Variants in CNBD1 observed in about 807,000 individuals in gnomAD.
The protein encoded by CNBD1 is cyclic nucleotide binding domain containing 1, also known as cyclic nucleotide-binding domain-containing protein 1.
A neutral mutation model predicts 54.4 loss-of-function variants in CNBD1; 71 were observed. That is an observed-to-expected ratio of 1.30 (90% CI 1.08 to 1.59). The LOEUF is 1.59. CNBD1 is among the 40% of genes most tolerant of loss of function. CNBD1 has a pLI of 0.00. For missense variants in CNBD1, 659 were observed against 518.0 expected, an observed-to-expected ratio of 1.27 and a Z score of -2.64; for synonymous variants, 182 against 170.7, an observed-to-expected ratio of 1.07 and a Z score of -0.51.
chr8:87,242,065 G>A (rs1327358131), intron 6 of CNBD1, among the ~76,000 whole-genome samples: 1 of 152,116 alleles, frequency 6.6e-6, no homozygotes, highest in African/African-American at 2.4e-5. Context: ...CTTGCTTTTG[G>A]TATTCAGGCA....
At chr8:86,958,578 G>A (rs59978274) in intron 4 of CNBD1, among the ~76,000 whole-genome samples, 2 of 152,126 alleles carry the variant, frequency 1.3e-5, no homozygotes, top group East Asian at 3.9e-4. Flanking sequence ...TTTACCATTA[G>A]GTAACGGCCT....
intron 5 of CNBD1, among the ~76,000 whole-genome samples, chr8:87,228,145 A>T (rs964761259): frequency 6.7e-6 from 1 of 150,248 alleles, no homozygotes; most frequent in Non-Finnish European, 1.5e-5. Context: ...CATTCTTCTA[A>T]ATTTTTTTCA....
intron 10 of CNBD1, among the ~76,000 whole-genome samples, chr8:87,376,791 C>A (rs1045787990): frequency 6.6e-6 from 1 of 151,816 alleles, no homozygotes; most frequent in Non-Finnish European, 1.5e-5. Flanking sequence ...TGCACAAATA[C>A]ATAGAAATTT....
chr8:86,953,471 A>G (rs555962210), intron 4 of CNBD1, among the ~76,000 whole-genome samples: 1 of 152,278 alleles, frequency 6.6e-6, no homozygotes, highest in East Asian at 1.9e-4. Flanking sequence ...TGATAACACA[A>G]CCTCAGACAT....
chr8:87,221,684 C>T (rs1352771740), intron 5 of CNBD1, among the ~76,000 whole-genome samples: 2 of 152,040 alleles, frequency 1.3e-5, no homozygotes, highest in Non-Finnish European at 2.9e-5. Flanking sequence ...GTAATTTTCA[C>T]AATACCAGAA....
intron 4 of CNBD1, among the ~76,000 whole-genome samples, chr8:87,075,700 G>A (rs1462791950): frequency 1.3e-5 from 2 of 152,148 alleles, no homozygotes; most frequent in African/African-American, 2.4e-5. Context: ...TTGTGTCCCT[G>A]ATTGGCTTTC....
At position 87,059,978 on chromosome 8, in the gene CNBD1, C is replaced by G. The variant is rs114889968; in HGVS notation, c.431+120224C>G. 2.5e-3 allele frequency among the ~76,000 whole-genome samples: 382 copies of G among 152,334 alleles called. 1 individual carries two copies. Among genetic ancestry groups the G allele is most frequent in the African/African-American group, 8.7e-3 (361 of 41,574 alleles). On this transcript the variant is annotated intron_variant, in intron 4 of 10. Coordinates refer to ENST00000518476, the MANE Select transcript of CNBD1 (RefSeq NM_173538.3). ...TAAGAGGTCAGGACAACTCCCAGGC[C>G]TTAGAAGCCTGCCCTAGGGGGACAC...
At chr8:87,386,608 GA>G (rs1811195797), downstream of CNBD1, among the ~76,000 whole-genome samples, 1 of 152,152 alleles carries the variant, frequency 6.6e-6, no homozygotes, top group African/African-American at 2.4e-5. Context: ...GGGACTATGT[GA>G]AAAGAACAAA....
chr8:86,948,376 C>G (rs1242301130), intron 4 of CNBD1, among the ~76,000 whole-genome samples: 1 of 152,130 alleles, frequency 6.6e-6, no homozygotes, highest in Non-Finnish European at 1.5e-5. Flanking sequence ...TTCCCACCAA[C>G]AGTATACAAG....
chr8:87,142,705 G>C (rs1430402334), intron 4 of CNBD1, among the ~76,000 whole-genome samples: 5 of 151,976 alleles, frequency 3.3e-5, no homozygotes, highest in African/African-American at 1.2e-4. Flanking sequence ...CTTACTTTTT[G>C]CTTCAAATCA....
intron 6 of CNBD1, among the ~76,000 whole-genome samples, chr8:87,281,788 A>G (rs965659684): frequency 4.0e-5 from 6 of 150,934 alleles, no homozygotes; most frequent in African/African-American, 1.5e-4. Flanking sequence ...TTCCAGAGTT[A>G]TAAATGAAAG....
intron 4 of CNBD1, among the ~76,000 whole-genome samples, chr8:87,118,323 A>C (rs1264714125): frequency 1.7e-5 from 1 of 60,388 alleles, no homozygotes; most frequent in Non-Finnish European, 4.5e-5. Context: ...TCAAAAAAAA[A>C]AAAAAAAAAA....
At chr8:87,406,166 T>A (rs551889689) in intron 2 of CNBD1, among the ~76,000 whole-genome samples, 2 of 152,118 alleles carry the variant, frequency 1.3e-5, no homozygotes, top group African/African-American at 2.4e-5. Context: ...TTTAATGATC[T>A]GTATCCAAAT....
At chr8:86,967,176 G>C (rs533806507) in intron 4 of CNBD1, among the ~76,000 whole-genome samples, 1 of 152,190 alleles carries the variant, frequency 6.6e-6, no homozygotes, top group East Asian at 1.9e-4. Flanking sequence ...GAAAAAGTGC[G>C]TGTGGGGGGT....
chr8:87,424,658 T>C (rs1808012333), intron 2 of CNBD1, among the ~76,000 whole-genome samples: 1 of 152,144 alleles, frequency 6.6e-6, no homozygotes, highest in African/African-American at 2.4e-5. Flanking sequence ...AGAAGCTCTC[T>C]TCTGGCTTGT....
intron 10 of CNBD1, among the ~76,000 whole-genome samples, chr8:87,374,583 A>T (rs1810886852): frequency 6.6e-6 from 1 of 151,812 alleles, no homozygotes; most frequent in Non-Finnish European, 1.5e-5. Flanking sequence ...TTTTGTCTTC[A>T]TTAGTACTGG....
rs867938796 is a variant in CNBD1, at chr8:87,099,615, G to T, written c.432-106378G>T. On this transcript the variant is annotated intron_variant, in intron 4 of 10. Transcript: ENST00000518476. ...AATTATTTCCTAACATGTTGAATGTGAGTGACAAAATAGAACATTCAAGGA... is the reference window on the plus strand; with the variant it reads ...AATTATTTCCTAACATGTTGAATGTTAGTGACAAAATAGAACATTCAAGGA... Among the ~76,000 whole-genome samples the T allele has an allele frequency of 3.3e-5, 5 of 152,130 alleles. No homozygotes were observed. In the South Asian group the frequency reaches 6.2e-4, roughly 19 times the overall value.
At chr8:87,244,837 G>T (rs1399770649) in intron 6 of CNBD1, among the ~76,000 whole-genome samples, 1 of 152,084 alleles carries the variant, frequency 6.6e-6, no homozygotes, top group Non-Finnish European at 1.5e-5. Context: ...TGTCAAAGAT[G>T]AACTGTGAAA....
chr8:87,253,492 G>A (rs1807951519), intron 6 of CNBD1, among the ~76,000 whole-genome samples: 1 of 152,130 alleles, frequency 6.6e-6, no homozygotes, highest in Non-Finnish European at 1.5e-5. Flanking sequence ...TGCAGGAGGT[G>A]CCTGTGCCCT....
Sources: allele counts gnomAD v4.1 joint callset (sites outside exome capture counted in the v4.1 genomes callset), GRCh38; gene constraint gnomAD v4.1.1; transcripts MANE v1.5; gene names NCBI Gene and HGNC (gene_info 2026-07-23, HGNC 2026-07-21).